Variants in BRWD1 observed in about 807,000 individuals in gnomAD.
The protein encoded by BRWD1 is bromodomain and WD repeat domain containing 1.
A neutral mutation model predicts 251.2 loss-of-function variants in BRWD1; 82 were observed. That is an observed-to-expected ratio of 0.33 (90% CI 0.27 to 0.39). The LOEUF (loss-of-function observed/expected upper bound fraction) is 0.39. Ranked by LOEUF, BRWD1 falls within the 10% of genes least tolerant of loss-of-function variation. The pLI, the probability that BRWD1 is intolerant of heterozygous loss-of-function variation, is 1.00. For synonymous variants in BRWD1, 918 were observed against 902.8 expected, an observed-to-expected ratio of 1.02 and a Z score of -0.30; for missense variants, 2,233 against 2,711.6, an observed-to-expected ratio of 0.82 and a Z score of 3.92.
chr21:39,296,400 A>C (rs1210451368), intron 5 of BRWD1, 37 bp from the exon 6 acceptor site: 2 of 1,513,318 alleles, frequency 1.3e-6, no homozygotes, highest in East Asian at 4.8e-5. Flanking sequence ...AAAATCTTGA[A>C]AGTTAACCCC....
chr21:39,218,302 C>A, intron 30 of BRWD1, 30 bp from the exon 31 acceptor site: 1 of 1,581,356 alleles, frequency 6.3e-7, no homozygotes, highest in East Asian at 2.2e-5. Context: ...AGTTTTTAAT[C>A]AATAAATCCA....
At position 39,264,523 on chromosome 21, in the gene BRWD1, C is replaced by T; in HGVS notation, c.1822G>A (p.Val608Ile). The change falls in exon 17 of 41, where the codon GTA (valine) becomes ATA (isoleucine). Residue 608 changes from valine to isoleucine, a missense_variant. Physicochemically the swap from Val to Ile is conservative, Grantham distance 29 (BLOSUM62 3). Around this residue, in one of 12 missense-constraint regions of BRWD1, gnomAD observed 315 missense variants for 421.8 expected, o/e 0.75. Transcript: ENST00000342449. ...NPHPTKYQRL[V>I]PGRENSADEH... ...TCTGCAGAATTTTCTCGGCCTGGTACTAATCTCTGATACTTGGTTGGATGA... is the reference window on the plus strand; with the variant it reads ...TCTGCAGAATTTTCTCGGCCTGGTATTAATCTCTGATACTTGGTTGGATGA... The T allele has an allele frequency of 1.2e-6, 2 of 1,612,582 alleles. No individual in the cohort carries two copies. Among genetic ancestry groups the T allele is most frequent in the Non-Finnish European group, 1.7e-6 (2 of 1,179,642 alleles).
chr21:39,278,809 G>T lies in BRWD1; in HGVS notation c.937C>A (p.Arg313Ser). ...GGCTTTTCAGTGAACTTCAGGGGAC[G>T]TGGGCTTTAAAAGAAGAAGATGCTG... is the stretch of plus-strand genomic sequence containing the variant. ...WDLESLKFSP[R>S]PLKFTEKPRP... Residue 313 changes from arginine to serine, a missense_variant, in exon 10 of 41, where the codon CGT (arginine) becomes AGT (serine). By Grantham distance (110) the Arg-to-Ser change is moderately radical. Around this residue, in one of 12 missense-constraint regions of BRWD1, gnomAD observed 315 missense variants for 421.8 expected, o/e 0.75. Coordinates refer to ENST00000342449, the MANE Select transcript of BRWD1 (RefSeq NM_033656.4). 1.3e-6 allele frequency: 2 copies of T among 1,582,466 alleles called. No homozygotes were observed. Among genetic ancestry groups the T allele is most frequent in the Non-Finnish European group, 1.7e-6 (2 of 1,167,358 alleles).
chr21:39,213,499 CTCA>C lies in BRWD1; in HGVS notation c.3837_3839del (p.Asp1279del). On this transcript the variant is annotated inframe_deletion, in exon 33 of 41. Transcript: ENST00000342449. ...TTCATACCAAATCCTCAGCATTTTG[CTCA>C]TCATTTTCAGATGTGTTAGAAAGTT... 2 of 1,611,324 alleles carry C rather than the reference CTCA, an allele frequency of 1.2e-6. No homozygotes were observed. The highest frequency in any genetic ancestry group is 8.5e-7 in the Non-Finnish European group (1 of 1,179,002).
chr21:39,313,364 GCCGGGGGAGC>G, intron 1 of BRWD1, 65 bp from the exon 2 acceptor site: 1 of 1,481,500 alleles, frequency 6.7e-7, no homozygotes, highest in East Asian at 2.8e-5. Context: ...GGCCAGGGGA[GCCGGGGGAGC>G]CCGGGGAGCC....
chr21:39,193,957 ATCTC>A lies in BRWD1; in HGVS notation c.*2298_*2301del. Reference sequence around the variant, plus strand: ...ACCCATAAAAATTATTTTCTCCATTATCTCTCAGTTTTATTTCATAACTTGAGAA... The same window carrying A: ...ACCCATAAAAATTATTTTCTCCATTATCAGTTTTATTTCATAACTTGAGAA... On this transcript the variant is annotated 3_prime_UTR_variant, in exon 41 of 41. Transcript: ENST00000342449. 2.0e-6 allele frequency: 2 copies of A among 985,558 alleles called. No homozygotes were observed. The highest frequency in any genetic ancestry group is 2.4e-6 in the Non-Finnish European group (2 of 829,696). 61.1% of individuals were successfully genotyped at this position (985,558 alleles called of 1,614,324 possible).
At chr21:39,231,933 G>A (rs1568894485) in intron 25 of BRWD1, among the ~76,000 whole-genome samples, 1 of 152,074 alleles carries the variant, frequency 6.6e-6, no homozygotes, top group Non-Finnish European at 1.5e-5. Context: ...TTGCCAAGCT[G>A]CCTTTCTGAA....
chr21:39,270,308 G>A lies in BRWD1; in HGVS notation c.1370C>T (p.Thr457Ile). 3.1e-6 allele frequency: 5 copies of A among 1,605,938 alleles called. No homozygotes were observed. The highest frequency in any genetic ancestry group is 4.2e-6 in the Non-Finnish European group (5 of 1,176,784). ...CATTAAGTTATGAAGCAGTTGTCCA[G>A]TGTAAGAATTCCACACTTTGAGGAC... ...DHVLKVWNSY[T>I]GQLLHNLMGH... The change falls in exon 14 of 41, where the codon ACT becomes ATT. Residue 457 changes from threonine (T) to isoleucine (I), a missense_variant. Around this residue, in one of 12 missense-constraint regions of BRWD1, gnomAD observed 315 missense variants for 421.8 expected, o/e 0.75. Coordinates refer to ENST00000342449, the MANE Select transcript of BRWD1 (RefSeq NM_033656.4).
chr21:39,185,314 A>C (rs1355985724), downstream of BRWD1: 1 of 150,612 alleles, frequency 6.6e-6, no homozygotes, highest in African/African-American at 2.4e-5. Context: ...AAAAAAAAAA[A>C]AAAAAAAACT....
chr21:39,316,320 G>A (rs1325652672), upstream of BRWD1, among the ~76,000 whole-genome samples: 1 of 152,168 alleles, frequency 6.6e-6, no homozygotes, highest in African/African-American at 2.4e-5. Flanking sequence ...AAATAAGGTA[G>A]GGCATACAGG....
intron 8 of BRWD1, among the ~76,000 whole-genome samples, chr21:39,282,759 ACCAG>A: frequency 6.6e-6 from 1 of 152,236 alleles, no homozygotes; most frequent in African/African-American, 2.4e-5. Flanking sequence ...GGAGTTCAAG[ACCAG>A]CCTGATCAAC....
chr21:39,217,070 TATATATATATA>T (rs2032967042), intron 31 of BRWD1: 18 of 10,372 alleles, frequency 1.7e-3, no homozygotes, highest in Non-Finnish European at 2.2e-3. Flanking sequence ...TATATATATA[TATATATATATA>T]TATTTTTTTT....
chr21:39,219,479 A>AG (rs1345214472), intron 29 of BRWD1: 2 of 152,236 alleles, frequency 1.3e-5, no homozygotes, highest in Admixed American at 6.5e-5. Context: ...ATTGAATAGT[A>AG]GTTCTAACAT....
At chr21:39,222,137 C>A (rs953047666) in intron 29 of BRWD1, among the ~76,000 whole-genome samples, 4 of 151,926 alleles carry the variant, frequency 2.6e-5, no homozygotes, top group Non-Finnish European at 5.9e-5. Flanking sequence ...CCAAAAAAAC[C>A]ATTTGTCAGC....
At position 39,236,583 on chromosome 21, in the gene BRWD1, C is replaced by A. The variant is rs574256867; in HGVS notation, c.2766+12G>T. On this transcript the variant is annotated intron_variant, in intron 23 of 40. Transcript: ENST00000342449. The stretch of plus-strand genomic sequence containing the variant: ...ATGATACATGCTATTTTTAAAGATA[C>A]GTTTTTCTTACCTCCTTCTTAGGCT... 1 of 1,565,930 alleles carries A rather than the reference C, an allele frequency of 6.4e-7. No individual in the cohort carries two copies.
Position 39,270,369 on chromosome 21 carries a change from T to C in BRWD1, c.1309A>G (p.Asn437Asp), listed in dbSNP as rs764927646. The part of the protein sequence containing the change: ...PKVTMIAWNQ[N>D]DSIVVTAVND... ...ACAGCTGTGACAACAATGCTATCAT[T>C]TTGATTCCAAGCTATCATTGTTACT... Residue 437 changes from asparagine to aspartate, a missense_variant, in exon 14 of 41, where the codon AAT becomes GAT. By Grantham distance (23) the Asn-to-Asp change is conservative (BLOSUM62 1). This residue lies in a region of BRWD1 where 315 missense variants were observed against 421.8 expected (regional missense o/e 0.75). Transcript: ENST00000342449. 3.1e-6 allele frequency: 5 copies of C among 1,612,982 alleles called. 1 individual carries two copies. The South Asian group carries it at 5.5e-5, about 18-fold the overall frequency.
At chr21:39,284,365 G>A (rs2035564542) in intron 8 of BRWD1, among the ~76,000 whole-genome samples, 1 of 152,130 alleles carries the variant, frequency 6.6e-6, no homozygotes, top group South Asian at 2.1e-4. Flanking sequence ...TATAGTCCCA[G>A]CTACTCAGAA....
chr21:39,296,516 A>G, intron 5 of BRWD1, 153 bp from the exon 6 acceptor site: 1 of 1,249,512 alleles, frequency 8.0e-7, no homozygotes, highest in South Asian at 3.5e-5. Flanking sequence ...TTATTAGACT[A>G]TTTCTGAAGA....
intron 15 of BRWD1, among the ~76,000 whole-genome samples, chr21:39,268,385 G>A (rs116122006): frequency 0.011 from 1,597 of 148,122 alleles, 20 homozygotes; most frequent in African/African-American, 0.037. Flanking sequence ...AGGTCGCAGC[G>A]ACCCCAGATT....
Sources: allele counts gnomAD v4.1 joint callset (sites outside exome capture counted in the v4.1 genomes callset), GRCh38; gene constraint gnomAD v4.1.1; regional missense constraint gnomAD v4.1.1; transcripts MANE v1.5; gene names NCBI Gene and HGNC (gene_info 2026-07-23, HGNC 2026-07-21).